Variants in TOGARAM2 observed in about 807,000 individuals in gnomAD.
TOGARAM2 encodes the protein TOG array regulator of axonemal microtubules protein 2.
Under a neutral mutation model 93.3 loss-of-function variants are expected in TOGARAM2, and 85 were observed. The observed-to-expected ratio is 0.91, with a 90% CI of 0.76 to 1.09. TOGARAM2 has a LOEUF of 1.09. TOGARAM2 is among the 50% of genes least tolerant of loss of function. TOGARAM2 has a pLI of 0.00. For synonymous variants in TOGARAM2, 593 were observed against 552.8 expected (o/e 1.07, Z -1.02); for missense variants, 1,277 against 1,334.5 (o/e 0.96, Z 0.67).
At chr2:29,015,330 C>G (rs1473899979) in intron 8 of TOGARAM2, among the ~76,000 whole-genome samples, 1 of 152,218 alleles carries the variant, frequency 6.6e-6, no homozygotes, top group Non-Finnish European at 1.5e-5. Flanking sequence ...CATCGTAGGC[C>G]TTGGCATTCT....
intron 10 of TOGARAM2, among the ~76,000 whole-genome samples, chr2:29,019,174 ACT>A (rs1491488744): frequency 6.5e-5 from 8 of 122,488 alleles, no homozygotes; most frequent in African/African-American, 9.4e-5. Flanking sequence ...AACCCAACTG[ACT>A]CTTTTTTTTT....
intron 7 of TOGARAM2, 98 bp downstream of exon 7, chr2:29,011,599 G>A: frequency 8.2e-7 from 1 of 1,222,166 alleles, no homozygotes; most frequent in Non-Finnish European, 1.1e-6. Context: ...AGATCTGAGA[G>A]CTCTTGTGTC....
At chr2:29,003,886 C>T (rs192835949) in intron 6 of TOGARAM2, among the ~76,000 whole-genome samples, 2 of 152,370 alleles carry the variant, frequency 1.3e-5, no homozygotes, top group African/African-American at 4.8e-5. Context: ...CCTCTTGGCT[C>T]CGGCAGGCTG....
chr2:28,998,278 T>A (rs766223577), intron 3 of TOGARAM2, 25 bp downstream of exon 3: 1 of 1,544,034 alleles, frequency 6.5e-7, no homozygotes, highest in African/African-American at 1.4e-5. Context: ...CCTCACCTGG[T>A]CAGGGCCCCT....
At chr2:29,005,886 T>C (rs1438478996) in intron 6 of TOGARAM2, among the ~76,000 whole-genome samples, 2 of 148,448 alleles carry the variant, frequency 1.3e-5, no homozygotes, top group African/African-American at 5.0e-5. Flanking sequence ...TGTGAGTGCA[T>C]GTGTATGTGT....
At chr2:29,038,945 A>G (rs116056461) in intron 18 of TOGARAM2, among the ~76,000 whole-genome samples, 3,670 of 152,134 alleles carry the variant, frequency 0.024, 146 homozygotes, top group African/African-American at 0.084. Context: ...AACAAGGGGG[A>G]CTCATTGCCA....
At chr2:28,983,379 G>C (rs1558400731) in intron 1 of TOGARAM2, among the ~76,000 whole-genome samples, 1 of 151,630 alleles carries the variant, frequency 6.6e-6, no homozygotes, top group Non-Finnish European at 1.5e-5. Context: ...ATGTAATTTT[G>C]TCTTTCTTTG....
rs554055495 is a variant in TOGARAM2, at chr2:29,028,948, C to A, written c.2012+1937C>A. Among the ~76,000 whole-genome samples the A allele has an allele frequency of 2.6e-5, 4 of 152,222 alleles. No homozygotes were observed. In the South Asian group the frequency reaches 6.2e-4, roughly 24 times the overall value. On this transcript the variant is annotated intron_variant, in intron 14 of 19. Coordinates refer to ENST00000379558, the MANE Select transcript of TOGARAM2 (RefSeq NM_199280.4). ...TGCAAGAATGGCCATAATCAAAAAA[C>A]CAAAAAATAATAGATGTTGGCGTGG...
chr2:28,967,612 G>A (rs537036109), intron 1 of TOGARAM2, among the ~76,000 whole-genome samples: 3 of 152,188 alleles, frequency 2.0e-5, no homozygotes, highest in South Asian at 2.1e-4. Context: ...CTGACCTAGC[G>A]TGACTTTTCC....
At chr2:29,042,326 T>G (rs1489668369) in intron 18 of TOGARAM2, among the ~76,000 whole-genome samples, 3 of 152,254 alleles carry the variant, frequency 2.0e-5, no homozygotes, top group Non-Finnish European at 4.4e-5. Flanking sequence ...CAGTGTGCTG[T>G]GCACCGTGGG....
chr2:28,986,940 A>G (rs975294457), intron 1 of TOGARAM2, among the ~76,000 whole-genome samples: 13 of 152,216 alleles, frequency 8.5e-5, no homozygotes, highest in African/African-American at 2.9e-4. Context: ...GAGAACTTTA[A>G]TCATGTGCCT....
intron 2 of TOGARAM2, among the ~76,000 whole-genome samples, chr2:28,996,203 G>T (rs182833993): frequency 6.6e-6 from 1 of 152,220 alleles, no homozygotes; most frequent in Non-Finnish European, 1.5e-5. Context: ...ATCAAATTAG[G>T]GTAATTGGGA....
chr2:29,013,999 T>G (rs535184409), intron 7 of TOGARAM2, among the ~76,000 whole-genome samples: 1 of 152,260 alleles, frequency 6.6e-6, no homozygotes, highest in East Asian at 1.9e-4. Context: ...GGCAAGCCCA[T>G]GGTCATATGA....
intron 19 of TOGARAM2, chr2:29,047,887 G>GT (rs1314516606): frequency 6.6e-6 from 1 of 151,646 alleles, no homozygotes; most frequent in African/African-American, 2.4e-5. Context: ...AGGAGGCTCT[G>GT]TTGGGGGGCA....
intron 1 of TOGARAM2, among the ~76,000 whole-genome samples, chr2:28,963,684 G>A (rs890099807): frequency 1.3e-5 from 2 of 152,130 alleles, no homozygotes; most frequent in East Asian, 3.9e-4. Context: ...AGTGCACCTA[G>A]CTGGTGAAGG....
Position 29,014,403 on chromosome 2 carries a change from C to T in TOGARAM2, c.886C>T (p.Pro296Ser). The T allele has an allele frequency of 1.2e-6, 2 of 1,610,710 alleles. No homozygotes were observed. The highest frequency in any genetic ancestry group is 1.7e-6 in the Non-Finnish European group (2 of 1,178,828). The change falls in exon 8 of 20, where the codon CCT becomes TCT. Residue 296 changes from proline to serine, a missense_variant. Pro to Ser is a moderately conservative substitution (Grantham distance 74). Coordinates refer to ENST00000379558, the MANE Select transcript of TOGARAM2 (RefSeq NM_199280.4). Reference protein sequence around the residue: ...EKTPASLEPKPLASPIRDRPA... With the variant: ...EKTPASLEPKSLASPIRDRPA... ...TGTTCTCAACCCCTCAGAGCCAAAA[C>T]CTTTGGCCTCACCCATCAGAGACAG...
chr2:28,995,012 C>T, intron 2 of TOGARAM2, 150 bp downstream of exon 2: 4 of 915,400 alleles, frequency 4.4e-6, no homozygotes, highest in Non-Finnish European at 6.8e-6. Flanking sequence ...CAGCCCTGGC[C>T]AGCTCCCCAC....
At chr2:29,002,465 G>A (rs1231065606) in intron 4 of TOGARAM2, 71 bp from the exon 5 acceptor site, 11 of 1,394,718 alleles carry the variant, frequency 7.9e-6, no homozygotes, top group Non-Finnish European at 9.9e-6. Context: ...CCCCGTTGCT[G>A]GGGTCTGAAT....
At chr2:29,042,813 GCA>G (rs1346884253) in intron 18 of TOGARAM2, among the ~76,000 whole-genome samples, 1 of 152,374 alleles carries the variant, frequency 6.6e-6, no homozygotes, top group Non-Finnish European at 1.5e-5. Context: ...ACACAAGCCT[GCA>G]CAGTGTCAGC....
Sources: gnomAD v4.1 joint callset for allele counts (sites outside exome capture counted in the v4.1 genomes callset) on GRCh38, gnomAD v4.1.1 for gene constraint, MANE v1.5 for transcripts, NCBI Gene and HGNC (gene_info 2026-07-23, HGNC 2026-07-21) for gene names.